Variants in TACC1 observed in about 807,000 individuals in gnomAD.
TACC1 encodes transforming acidic coiled-coil containing protein 1.
Under a neutral mutation model 84.4 loss-of-function variants are expected in TACC1, and 48 were observed. The observed-to-expected ratio is 0.57, with a 90% confidence interval of 0.45 to 0.72. The LOEUF is 0.72. Among genes scored for constraint, TACC1 ranks in the 30% least tolerant of loss-of-function variants. TACC1 has a pLI of 0.00. For missense variants in TACC1, 920 were observed against 973.0 expected, an observed-to-expected ratio of 0.95 and a Z score of 0.72; for synonymous variants, 372 against 376.3, an observed-to-expected ratio of 0.99 and a Z score of 0.13.
intron 7 of TACC1, among the ~76,000 whole-genome samples, chr8:38,837,252 TAA>T (rs56272394): frequency 5.7e-5 from 8 of 140,998 alleles, no homozygotes; most frequent in Admixed American, 1.4e-4. Context: ...CCATCTCTAC[TAA>T]AAAAAAAAAA....
At chr8:38,841,731 G>A (rs1295568265) in intron 9 of TACC1, among the ~76,000 whole-genome samples, 1 of 152,178 alleles carries the variant, frequency 6.6e-6, no homozygotes, top group Non-Finnish European at 1.5e-5. Flanking sequence ...GTGTTTTGGT[G>A]CAGGGTTCTT....
chr8:38,831,568 T>A (rs1204303199), intron 6 of TACC1, among the ~76,000 whole-genome samples: 2 of 152,206 alleles, frequency 1.3e-5, no homozygotes, highest in East Asian at 3.8e-4. Context: ...CAATCTTGGC[T>A]AACTGCAACC....
Position 38,830,056 on chromosome 8 carries a change from A to G in TACC1, c.1661-1069A>G, listed in dbSNP as rs1159792603. Among the ~76,000 whole-genome samples the G allele has an allele frequency of 2.0e-5, 3 of 152,242 alleles. No individual in the cohort carries two copies. In the East Asian group the frequency reaches 5.8e-4, roughly 29 times the overall value. On this transcript the variant is annotated intron_variant, in intron 5 of 12. Transcript: ENST00000317827. ...ATCTGGCCAAGTGGGAAACAAGGTC[A>G]TACCGTGGAATCTGGGCTTGATCCT...
At chr8:38,801,205 T>A (rs1323008166) in intron 2 of TACC1, among the ~76,000 whole-genome samples, 2 of 152,250 alleles carry the variant, frequency 1.3e-5, no homozygotes, top group East Asian at 1.9e-4. Context: ...ATGGTGTCAT[T>A]TGAAGTGCAA....
chr8:38,735,930 G>A (rs1023471161), intron 1 of TACC1, among the ~76,000 whole-genome samples: 1 of 152,170 alleles, frequency 6.6e-6, no homozygotes, highest in South Asian at 2.1e-4. Context: ...TAATGACCAC[G>A]AACTTGGTAG....
At chr8:38,775,265 C>T (rs192428115) in intron 3 of TACC1, among the ~76,000 whole-genome samples, 2 of 152,112 alleles carry the variant, frequency 1.3e-5, no homozygotes, top group Non-Finnish European at 2.9e-5. Flanking sequence ...CTGAGTAAAC[C>T]TTCTTCCAAA....
chr8:38,763,520 C>A lies in TACC1; in HGVS notation c.26+18027C>A, dbSNP rs1028751686. 5.2e-4 allele frequency among the ~76,000 whole-genome samples: 79 copies of A among 152,094 alleles called. 2 individuals carry two copies. The highest frequency in any genetic ancestry group is 4.8e-5 in the African/African-American group (2 of 41,466). On this transcript the variant is annotated intron_variant, in intron 3 of 14. Coordinates refer to the TACC1 transcript ENST00000518415. ...ATCTAAGGATTTTAGGAGTTGCATG[C>A]CAGGAAATGGAGTCAGAAACCAAAT...
chr8:38,777,913 G>T (rs934232664), intron 3 of TACC1, among the ~76,000 whole-genome samples: 4 of 152,210 alleles, frequency 2.6e-5, no homozygotes, highest in Admixed American at 6.5e-5. Context: ...GTGGCCTCTT[G>T]CTGTGTGACC....
intron 2 of TACC1, among the ~76,000 whole-genome samples, chr8:38,744,290 AT>A (rs574518208): frequency 9.9e-4 from 151 of 151,912 alleles, no homozygotes; most frequent in African/African-American, 3.3e-3. Context: ...CTTTTTTTGT[AT>A]TTTTAGTAGA....
At chr8:38,778,663 T>C (rs746912158) in intron 3 of TACC1, among the ~76,000 whole-genome samples, 2 of 152,130 alleles carry the variant, frequency 1.3e-5, no homozygotes, top group Non-Finnish European at 2.9e-5. Flanking sequence ...TCTTAAAGAG[T>C]GCTTCCCCAG....
In TACC1 at chr8:38,848,768, T is replaced by C. The variant is rs1020491174; in HGVS notation, c.*745T>C. The C allele has an allele frequency of 1.1e-4, 16 of 152,244 alleles. No individual in the cohort carries two copies. The highest frequency in any genetic ancestry group is 1.0e-3 in the Admixed American group (16 of 15,276). 9.4% of individuals were successfully genotyped at this position (152,244 alleles called of 1,614,324 possible). On this transcript the variant is annotated 3_prime_UTR_variant, in exon 13 of 13. Coordinates refer to ENST00000317827, the MANE Select transcript of TACC1 (RefSeq NM_006283.3). ...GCCATGACGTTTTGTTGCCCTGGTATTTGGACACTCCTCAGCTTTAATGGG... is the reference window on the plus strand; with the variant it reads ...GCCATGACGTTTTGTTGCCCTGGTACTTGGACACTCCTCAGCTTTAATGGG...
intron 3 of TACC1, among the ~76,000 whole-genome samples, chr8:38,750,184 T>C (rs1362247141): frequency 6.6e-6 from 1 of 152,010 alleles, no homozygotes; most frequent in Non-Finnish European, 1.5e-5. Context: ...ATCCTGTCTC[T>C]TAAAGAAAAA....
At chr8:38,841,892 T>G (rs770228078) in intron 9 of TACC1, among the ~76,000 whole-genome samples, 5 of 152,200 alleles carry the variant, frequency 3.3e-5, no homozygotes, top group Non-Finnish European at 7.3e-5. Context: ...CTTTCTCCAC[T>G]AAATTGCCGA....
intron 6 of TACC1, among the ~76,000 whole-genome samples, chr8:38,832,825 A>C (rs1247743291): frequency 6.6e-6 from 1 of 152,212 alleles, no homozygotes. Context: ...ATTGAGGACA[A>C]ATGAGCACAG....
At chr8:38,826,017 T>G (rs1473752127) in intron 4 of TACC1, among the ~76,000 whole-genome samples, 1 of 152,230 alleles carries the variant, frequency 6.6e-6, no homozygotes, top group Admixed American at 6.5e-5. Flanking sequence ...ATAAACTAAT[T>G]GCAAAACAAA....
Position 38,836,241 on chromosome 8 carries a change from T to A in TACC1, c.1793T>A (p.Leu598His). The A allele has an allele frequency of 6.2e-7, 1 of 1,612,674 alleles. No homozygotes were observed. Among genetic ancestry groups the A allele is most frequent in the Non-Finnish European group, 8.5e-7 (1 of 1,179,856 alleles). The change falls in exon 7 of 13, where the codon CTC becomes CAC. Residue 598 changes from leucine (L) to histidine (H), a missense_variant. This residue lies in a region of TACC1 where 762 missense variants were observed against 747.3 expected (regional missense o/e 1.02). Transcript: ENST00000317827. ...GGESPLDGIC[L>H]SESDKTAVLT... is the part of the protein sequence containing the mutation. The stretch of plus-strand genomic sequence containing the variant: ...GAGAGCCCCCTGGATGGGATCTGCC[T>A]CAGCGAATCAGACAAGACAGCCGTG...
At chr8:38,749,863 T>C (rs1306505703) in intron 3 of TACC1, among the ~76,000 whole-genome samples, 1 of 152,200 alleles carries the variant, frequency 6.6e-6, no homozygotes, top group African/African-American at 2.4e-5. Context: ...GTGCTGGGAT[T>C]ACAGGTGTAA....
Position 38,851,925 on chromosome 8 carries a change from A to G in TACC1, c.*3902A>G, listed in dbSNP as rs1418501566. 6 of 450,452 alleles carry G rather than the reference A, an allele frequency of 1.3e-5. No homozygotes were observed. The highest frequency in any genetic ancestry group is 2.7e-5 in the Non-Finnish European group (6 of 223,120). The allele number at this position is 450,452 out of a possible 1,614,324, so 27.9% of individuals were successfully genotyped here. On this transcript the variant is annotated 3_prime_UTR_variant, in exon 13 of 13. Transcript: ENST00000317827. ...AAGTATTTCGAGGAGATATCTGTCC[A>G]AAAAGGTTTGACTGGCCTCCAGATT...
chr8:38,780,725 G>C (rs1017273829), intron 3 of TACC1, among the ~76,000 whole-genome samples: 19 of 151,450 alleles, frequency 1.3e-4, no homozygotes, highest in African/African-American at 3.9e-4. Flanking sequence ...AAATCCCCTC[G>C]GAATTTTGAT....
Sources: gnomAD v4.1 joint callset for allele counts (sites outside exome capture counted in the v4.1 genomes callset) on GRCh38, gnomAD v4.1.1 for gene constraint, gnomAD v4.1.1 regional missense constraint, MANE v1.5 for transcripts, NCBI Gene and HGNC (gene_info 2026-07-23, HGNC 2026-07-21) for gene names.